Variants in TMEFF2 observed in about 807,000 individuals in gnomAD.
The protein encoded by TMEFF2 is transmembrane protein with EGF like and two follistatin like domains 2.
A neutral mutation model predicts 53.8 loss-of-function variants in TMEFF2; 28 were observed. That is an observed-to-expected ratio of 0.52 (90% CI 0.39 to 0.71). The LOEUF (loss-of-function observed/expected upper bound fraction) is 0.71. Among genes scored for constraint, TMEFF2 ranks in the 30% least tolerant of loss-of-function variants. The pLI is 0.00. For synonymous variants in TMEFF2, 162 were observed against 166.3 expected (o/e 0.97, Z 0.20); for missense variants, 353 against 455.2 (o/e 0.78, Z 2.04).
chr2:191,956,177 A>G, intron 8 of TMEFF2, 78 bp downstream of exon 8: 3 of 1,460,534 alleles, frequency 2.1e-6, no homozygotes, highest in Non-Finnish European at 2.7e-6. Flanking sequence ...ATGTCTACCA[A>G]TTTTCTATAA....
At chr2:192,057,489 T>C (rs1006199758) in intron 5 of TMEFF2, among the ~76,000 whole-genome samples, 190 bp downstream of exon 5, 12 of 152,184 alleles carry the variant, frequency 7.9e-5, no homozygotes, top group African/African-American at 2.9e-4. Flanking sequence ...ATGCCATGGA[T>C]AGCTGCTTGG....
chr2:191,956,190 A>G lies in TMEFF2; in HGVS notation c.869+65T>C, dbSNP rs1692086798. The G allele has an allele frequency of 2.0e-6, 3 of 1,491,406 alleles. No individual in the cohort carries two copies. The East Asian group carries it at 7.1e-5, about 35-fold the overall frequency. 92.4% of individuals were successfully genotyped at this position (1,491,406 alleles called of 1,614,324 possible). A position where few individuals can be genotyped will look rare whatever the true frequency, so the allele number is the denominator to read the frequency against. On this transcript the variant is annotated intron_variant, in intron 8 of 9. Transcript: ENST00000272771. ...GAATGTCTACCAATTTTCTATAAAC[A>G]TCTACAATTTAGTTTCTACATATTA...
chr2:191,954,105 T>C (rs1691987862), intron 8 of TMEFF2, among the ~76,000 whole-genome samples: 1 of 152,050 alleles, frequency 6.6e-6, no homozygotes, highest in Non-Finnish European at 1.5e-5. Context: ...GCCAGGATGG[T>C]CTCGATTTCC....
intron 5 of TMEFF2, among the ~76,000 whole-genome samples, chr2:192,024,469 T>G (rs1359086477): frequency 2.0e-5 from 3 of 152,216 alleles, no homozygotes; most frequent in Non-Finnish European, 4.4e-5. Context: ...GTGTCAGGCA[T>G]GTGGAGAACA....
At chr2:192,008,516 T>TG (rs1460089515) in intron 5 of TMEFF2, among the ~76,000 whole-genome samples, 3 of 152,192 alleles carry the variant, frequency 2.0e-5, no homozygotes, top group Non-Finnish European at 4.4e-5. Context: ...CATGTGTATG[T>TG]GCTTGCTCAT....
At chr2:192,037,140 T>G (rs1052274483) in intron 5 of TMEFF2, 1 of 151,950 alleles carries the variant, frequency 6.6e-6, no homozygotes, top group African/African-American at 2.4e-5. Flanking sequence ...GACTCTAATC[T>G]CTCTTTTGGG....
intron 7 of TMEFF2, among the ~76,000 whole-genome samples, chr2:191,964,398 C>CTCTTTCTTTCTTTCTTTCTTTCTTTCTT (rs58502767): frequency 3.3e-4 from 17 of 51,764 alleles, no homozygotes; most frequent in African/African-American, 5.0e-4. Context: ...TTCTTTCTTT[C>CTCTTTCTTTCTTTCTTTCTTTCTTTCTT]TCTTTCTTTC....
chr2:192,156,962 T>C (rs1690520615), intron 4 of TMEFF2, among the ~76,000 whole-genome samples: 1 of 152,026 alleles, frequency 6.6e-6, no homozygotes, highest in Non-Finnish European at 1.5e-5. Flanking sequence ...AGAGATTGTA[T>C]AATAGTCCCA....
chr2:191,952,218 T>C (rs1191020786), intron 9 of TMEFF2, among the ~76,000 whole-genome samples: 2 of 152,196 alleles, frequency 1.3e-5, no homozygotes, highest in Admixed American at 1.3e-4. Context: ...ACATAATATG[T>C]GCTTACACAA....
chr2:192,037,269 A>AAAAGAAAGAAAGAAAG lies in TMEFF2; in HGVS notation c.536+20409_536+20410insCTTTCTTTCTTTCTTT, dbSNP rs1440087652. The AAAAGAAAGAAAGAAAG allele has an allele frequency of 7.1e-3, 515 of 72,548 alleles. 24 individuals carry two copies. The highest frequency in any genetic ancestry group is 0.031 in the East Asian group (72 of 2,302). 4.5% of individuals were successfully genotyped at this position (72,548 alleles called of 1,614,324 possible). A position where few individuals can be genotyped will look rare whatever the true frequency, so the allele number is the denominator to read the frequency against. ...GCAGAATGCACTTCTAAGACTAGCC[A>AAAAGAAAGAAAGAAAG]AAATAAAGAAAGAAAGAAAGAAAGA... On this transcript the variant is annotated intron_variant, in intron 5 of 9. Coordinates refer to ENST00000272771, the MANE Select transcript of TMEFF2 (RefSeq NM_016192.4).
intron 7 of TMEFF2, among the ~76,000 whole-genome samples, chr2:191,994,715 T>C (rs1403890739): frequency 1.3e-5 from 2 of 151,976 alleles, no homozygotes; most frequent in Non-Finnish European, 2.9e-5. Context: ...GCCCTAGCTT[T>C]GTGTGTTTGT....
intron 2 of TMEFF2, among the ~76,000 whole-genome samples, chr2:192,188,338 C>T (rs1232313526): frequency 6.6e-6 from 1 of 152,120 alleles, no homozygotes; most frequent in Non-Finnish European, 1.5e-5. Flanking sequence ...AGCCACTATG[C>T]TATGAGGAAG....
chr2:191,968,762 T>C (rs1225555438), intron 7 of TMEFF2, among the ~76,000 whole-genome samples: 1 of 152,182 alleles, frequency 6.6e-6, no homozygotes, highest in Non-Finnish European at 1.5e-5. Flanking sequence ...TCTAGACTCA[T>C]TTCTCAATGG....
chr2:192,193,798 A>AGAGAGAGAGAGAGG lies in TMEFF2; in HGVS notation c.172+554_172+555insCCTCTCTCTCTCTC, dbSNP rs1559167269. On this transcript the variant is annotated intron_variant, in intron 1 of 9. Coordinates refer to ENST00000272771, the MANE Select transcript of TMEFF2 (RefSeq NM_016192.4). ...GAGAGAGAGAGAGAGAGAGAGAGAG[A>AGAGAGAGAGAGAGG]GAGAGAGAGAAATTCTATTGAAACC... Among the ~76,000 whole-genome samples the AGAGAGAGAGAGAGG allele has an allele frequency of 8.3e-4, 116 of 139,822 alleles. 1 individual carries two copies. The highest frequency in any genetic ancestry group is 3.2e-3 in the African/African-American group (114 of 35,668). The allele number at this position is 139,822 out of a possible 152,430, so 91.7% of individuals were successfully genotyped here.
chr2:192,002,917 A>C (rs760775888), intron 5 of TMEFF2, among the ~76,000 whole-genome samples: 12 of 152,228 alleles, frequency 7.9e-5, no homozygotes, highest in Non-Finnish European at 1.3e-4. Context: ...TACCATTTCT[A>C]TGTTTCCAAA....
chr2:191,956,537 C>T (rs932522306), intron 7 of TMEFF2, among the ~76,000 whole-genome samples, 159 bp from the exon 8 acceptor site: 59 of 152,162 alleles, frequency 3.9e-4, no homozygotes, highest in Admixed American at 1.8e-3. Flanking sequence ...AACTGAAAGA[C>T]GTCTTTACAA....
chr2:192,187,440 A>C (rs1292291044), intron 2 of TMEFF2, among the ~76,000 whole-genome samples: 7 of 152,218 alleles, frequency 4.6e-5, no homozygotes, highest in Admixed American at 3.9e-4. Context: ...GAATTAGAAA[A>C]ACAAGAGGAA....
At chr2:191,974,600 G>A (rs1459398508) in intron 7 of TMEFF2, among the ~76,000 whole-genome samples, 1 of 151,852 alleles carries the variant, frequency 6.6e-6, no homozygotes, top group Non-Finnish European at 1.5e-5. Context: ...ATTTACATCT[G>A]GTCTTTTTAC....
intron 4 of TMEFF2, among the ~76,000 whole-genome samples, chr2:192,166,587 C>G (rs1352020777): frequency 1.3e-5 from 2 of 152,024 alleles, no homozygotes; most frequent in South Asian, 4.2e-4. Flanking sequence ...AAATTTCAGG[C>G]TTAAGGCTTT....
Sources: allele counts gnomAD v4.1 joint callset (sites outside exome capture counted in the v4.1 genomes callset), GRCh38; gene constraint gnomAD v4.1.1; transcripts MANE v1.5; gene names NCBI Gene and HGNC (gene_info 2026-07-23, HGNC 2026-07-21).